Variants in MAP7D3 observed in about 807,000 individuals in gnomAD.
MAP7D3 encodes the protein MAP7 domain containing 3.
In MAP7D3, 45 loss-of-function variants were observed where a neutral mutation model predicts 62.2. The observed-to-expected ratio is 0.72, with a 90% CI of 0.57 to 0.93. The LOEUF (loss-of-function observed/expected upper bound fraction) is 0.93, where lower values mean the gene tolerates loss of function less well. MAP7D3 is among the 40% of genes least tolerant of loss of function. The probability of loss-of-function intolerance (pLI) is 0.00; values close to 1 mark genes in which losing one functional copy is unlikely to be tolerated. For missense variants in MAP7D3, 711 were observed against 683.1 expected, an observed-to-expected ratio of 1.04 and a Z score of -0.45; for synonymous variants, 288 against 248.8, an observed-to-expected ratio of 1.16 and a Z score of -1.48.
intron 7 of MAP7D3, among the ~76,000 whole-genome samples, chrX:136,233,635 T>TAAAAAAAAAAAAAAAAAA (rs151267120): frequency 3.3e-5 from 1 of 30,590 alleles, no homozygotes; most frequent in Admixed American, 5.2e-4. Context: ...TAAATTAAAC[T>TAAAAAAAAAAAAAAAAAA]AAAAAAAAAA....
intron 6 of MAP7D3, among the ~76,000 whole-genome samples, chrX:136,236,554 G>A (rs1174539007): frequency 9.0e-6 from 1 of 111,309 alleles, no homozygotes; most frequent in Non-Finnish European, 1.9e-5. Context: ...AAATTAAGAG[G>A]TAAAATATCT....
Position 136,231,912 on chromosome X carries a change from C to G in MAP7D3, c.1045G>C (p.Val349Leu). The change falls in exon 8 of 19, where the codon GTG becomes CTG. Residue 349 changes from valine (V) to leucine (L), a missense_variant. Coordinates refer to ENST00000316077, the MANE Select transcript of MAP7D3 (RefSeq NM_024597.4). Reference sequence around the variant, plus strand: ...CTCATCTCAGAATCATATGTGCTCACCACAGGCGACACGTCCACGCTCACC... The same window carrying G: ...CTCATCTCAGAATCATATGTGCTCAGCACAGGCGACACGTCCACGCTCACC... ...PVVSVDVSPV[V>L]STYDSEMSMD... 8.3e-7 allele frequency: 1 copy of G among 1,211,552 alleles called. No homozygotes were observed. Among genetic ancestry groups the G allele is most frequent in the South Asian group, 1.8e-5 (1 of 56,977 alleles).
chrX:136,243,116 A>T (rs2074407854), intron 4 of MAP7D3, among the ~76,000 whole-genome samples: 2 of 111,282 alleles, frequency 1.8e-5, no homozygotes, highest in South Asian at 7.8e-4. Context: ...GGTATGGATG[A>T]GGAGGGAGGA....
upstream of MAP7D3, chrX:136,251,473 CGGG>C: frequency 2.2e-5 from 3 of 136,664 alleles, no homozygotes; most frequent in South Asian, 1.1e-3. Flanking sequence ...CGGGGCGGGG[CGGG>C]GCGGGGCCCG....
rs2074085089 is a variant in MAP7D3, at chrX:136,218,471, C to T, written c.*55G>A. ...CAGAGTGGAAGATGTATTCATCTCC[C>T]AGGCTGAGTAAGGTTTACATATCTG... On this transcript the variant is annotated 3_prime_UTR_variant, in exon 19 of 19. Coordinates refer to ENST00000316077, the MANE Select transcript of MAP7D3 (RefSeq NM_024597.4). 9.0e-6 allele frequency: 1 copy of T among 111,618 alleles called. No homozygotes were observed. The highest frequency in any genetic ancestry group is 3.3e-5 in the African/African-American group (1 of 30,722). The allele number at this position is 111,618 out of a possible 1,213,427, so 9.2% of individuals were successfully genotyped here.
At position 136,218,640 on chromosome X, in the gene MAP7D3, T is replaced by G. The variant is rs768754225; in HGVS notation, c.*33-147A>C. Reference sequence around the variant, plus strand: ...GACACACTGGTCCTATAAATGTCCTTCACTTCCCCAGTCCCCAACCAGGCC... The same window carrying G: ...GACACACTGGTCCTATAAATGTCCTGCACTTCCCCAGTCCCCAACCAGGCC... On this transcript the variant is annotated intron_variant, in intron 18 of 18. Coordinates refer to ENST00000316077, the MANE Select transcript of MAP7D3 (RefSeq NM_024597.4). 3 of 111,681 alleles carry G rather than the reference T, an allele frequency of 2.7e-5. No homozygotes were observed. In the South Asian group the frequency reaches 1.1e-3, roughly 42 times the overall value. 9.2% of individuals were successfully genotyped at this position (111,681 alleles called of 1,213,427 possible).
At chrX:136,239,005 C>T (rs2074359313) in intron 6 of MAP7D3, among the ~76,000 whole-genome samples, 1 of 111,985 alleles carries the variant, frequency 8.9e-6, no homozygotes, top group South Asian at 3.7e-4. Context: ...ATAATTATGC[C>T]TTATTCAATT....
At chrX:136,240,621 C>T in intron 5 of MAP7D3, 135 bp from the exon 6 acceptor site, 1 of 439,010 alleles carries the variant, frequency 2.3e-6, no homozygotes, top group Admixed American at 3.9e-5. Context: ...ATATCACTGC[C>T]CGTCAATCCT....
At position 136,240,370 on chromosome X, in the gene MAP7D3, A is replaced by G. The variant is rs984006610; in HGVS notation, c.640+12T>C. On this transcript the variant is annotated intron_variant, in intron 6 of 18. Transcript: ENST00000316077. The stretch of plus-strand genomic sequence containing the variant: ...ATAGAAATTCAGTAGAATACATGAA[A>G]TAACTACTTACTTTTGGCAACGGAA... 9.3e-7 allele frequency: 1 copy of G among 1,079,420 alleles called. No homozygotes were observed. Among genetic ancestry groups the G allele is most frequent in the African/African-American group, 1.8e-5 (1 of 55,332 alleles). 89.0% of individuals were successfully genotyped at this position (1,079,420 alleles called of 1,213,427 possible).
intron 11 of MAP7D3, among the ~76,000 whole-genome samples, chrX:136,227,640 A>C (rs1410154099): frequency 9.1e-6 from 1 of 110,124 alleles, no homozygotes; most frequent in Non-Finnish European, 1.9e-5. Context: ...GGAGCAGAAA[A>C]ATATTTCAAT....
In MAP7D3 at chrX:136,218,203, A is replaced by C. The variant is rs745510141; in HGVS notation, c.*323T>G. The C allele has an allele frequency of 3.5e-5, 4 of 112,687 alleles. No homozygotes were observed. The highest frequency in any genetic ancestry group is 1.3e-4 in the African/African-American group (4 of 31,145). 9.3% of individuals were successfully genotyped at this position (112,687 alleles called of 1,213,427 possible). On this transcript the variant is annotated 3_prime_UTR_variant, in exon 19 of 19. Coordinates refer to ENST00000316077, the MANE Select transcript of MAP7D3 (RefSeq NM_024597.4). ...GCATCCTTGATGCACTCACTCCAGC[A>C]AACACATTGGTGGGACAACACAAGA...
intron 14 of MAP7D3, 65 bp from the exon 15 acceptor site, chrX:136,222,551 CAA>C: frequency 1.1e-6 from 1 of 911,511 alleles, no homozygotes; most frequent in Non-Finnish European, 1.6e-6. Context: ...AGAATTTCAA[CAA>C]AGTCTGACTT....
At chrX:136,232,665 G>C (rs182952167) in intron 7 of MAP7D3, among the ~76,000 whole-genome samples, 185 of 112,348 alleles carry the variant, frequency 1.6e-3, no homozygotes, top group African/African-American at 5.6e-3. Context: ...TAATGTTTTA[G>C]AATAGAATGT....
Position 136,251,333 on chromosome X carries a change from C to A in MAP7D3, c.26G>T (p.Gly9Val), listed in dbSNP as rs1460398848. 10 of 1,128,465 alleles carry A rather than the reference C, an allele frequency of 8.9e-6. No homozygotes were observed. The highest frequency in any genetic ancestry group is 1.0e-5 in the Non-Finnish European group (9 of 860,044). 93.0% of individuals were successfully genotyped at this position (1,128,465 alleles called of 1,213,427 possible). Residue 9 changes from glycine (G) to valine (V), a missense_variant, in exon 1 of 19, where the codon GGC (glycine) becomes GTC (valine). Transcript: ENST00000316077. Reference protein sequence around the residue: MMADGAAAGAGGSPSLREL... With the variant: MMADGAAAVAGGSPSLREL... ...TCTCAAGGATGGGCTGCCGCCAGCG[C>A]CAGCTGCGGCGCCGTCCGCCATCAT...
upstream of MAP7D3, among the ~76,000 whole-genome samples, chrX:136,254,930 A>T (rs895330273): frequency 9.0e-6 from 1 of 111,451 alleles, no homozygotes; most frequent in Non-Finnish European, 1.9e-5. Flanking sequence ...CAAACAAAAA[A>T]AACGGCTGGG....
In MAP7D3 at chrX:136,222,435, C is replaced by T. The variant is rs762516935; in HGVS notation, c.2245G>A (p.Glu749Lys). The T allele has an allele frequency of 4.9e-5, 59 of 1,208,134 alleles. No individual in the cohort carries two copies. Among genetic ancestry groups the T allele is most frequent in the Middle Eastern group, 2.3e-4 (1 of 4,367 alleles). Residue 749 changes from glutamate (E) to lysine (K), a missense_variant, in exon 15 of 19, where the codon GAA becomes AAA. Coordinates refer to ENST00000316077, the MANE Select transcript of MAP7D3 (RefSeq NM_024597.4). Reference sequence around the variant, plus strand: ...TTCAATGAGTCCTTGTCGCTTTCTTCGTTGTCAGCCTCAGCCTCTTCATAT... The same window carrying T: ...TTCAATGAGTCCTTGTCGCTTTCTTTGTTGTCAGCCTCAGCCTCTTCATAT... ...DIYEEAEADN[E>K]ESDKDSLNEM...
intron 3 of MAP7D3, among the ~76,000 whole-genome samples, chrX:136,245,162 A>C (rs2074433605): frequency 8.9e-6 from 1 of 112,360 alleles, no homozygotes; most frequent in South Asian, 3.7e-4. Flanking sequence ...AATTATTAAA[A>C]ACTGCATGGC....
chrX:136,227,521 G>A, intron 11 of MAP7D3, 90 bp from the exon 12 acceptor site: 2 of 583,060 alleles, frequency 3.4e-6, no homozygotes, highest in Non-Finnish European at 5.3e-6. Flanking sequence ...AACTTCCTGT[G>A]TATAGTAATA....
Position 136,226,008 on chromosome X carries a change from C to T in MAP7D3, c.2040G>A (p.Gly680=). 2 of 1,176,070 alleles carry T rather than the reference C, an allele frequency of 1.7e-6. No individual in the cohort carries two copies. The highest frequency in any genetic ancestry group is 1.9e-5 in the South Asian group (1 of 53,408). The change falls in exon 13 of 19, where the codon GGG becomes GGA. Residue 680 remains glycine, a synonymous_variant. Transcript: ENST00000316077. ...QEDQEAPLQK[G]DAKIKAQEEA... The stretch of plus-strand genomic sequence containing the variant: ...CCTCTTGAGCTTTTATTTTGGCGTC[C>T]CCTTTCTAGGAAATTTGCATAAAAA...
Sources: gnomAD v4.1 joint callset for allele counts (sites outside exome capture counted in the v4.1 genomes callset) on GRCh38, gnomAD v4.1.1 for gene constraint, MANE v1.5 for transcripts, NCBI Gene and HGNC (gene_info 2026-07-23, HGNC 2026-07-21) for gene names.